Variants in AIG1 observed in about 807,000 individuals in gnomAD.
The protein encoded by AIG1 is androgen-induced gene 1 protein.
A neutral mutation model predicts 31.4 loss-of-function variants in AIG1; 23 were observed. That is an observed-to-expected ratio of 0.73 (90% confidence interval 0.53 to 1.04). AIG1 has a LOEUF of 1.04. AIG1 is among the 50% of genes least tolerant of loss of function. The pLI is 0.00. For synonymous variants in AIG1, 100 were observed against 110.5 expected (o/e 0.90, Z 0.60); for missense variants, 274 against 295.0 (o/e 0.93, Z 0.52).
chr6:143,337,793 C>G (rs1238986854), intron 5 of AIG1, among the ~76,000 whole-genome samples: 1 of 152,116 alleles, frequency 6.6e-6, no homozygotes, highest in African/African-American at 2.4e-5. Flanking sequence ...AGCCCTCCAC[C>G]GGCCTGCAGG....
At chr6:143,120,153 C>T (rs186861130) in intron 1 of AIG1, among the ~76,000 whole-genome samples, 2 of 152,102 alleles carry the variant, frequency 1.3e-5, no homozygotes, top group East Asian at 1.9e-4. Flanking sequence ...AGGCTGATCT[C>T]GAACTCCCGA....
chr6:143,182,063 C>T (rs931991473), intron 3 of AIG1, among the ~76,000 whole-genome samples: 21 of 152,082 alleles, frequency 1.4e-4, no homozygotes, highest in African/African-American at 4.8e-4. Context: ...CTTTGTTGCA[C>T]AGCCCAGGCT....
intron 3 of AIG1, among the ~76,000 whole-genome samples, chr6:143,168,166 C>T (rs1182429982): frequency 6.6e-6 from 1 of 151,624 alleles, no homozygotes; most frequent in Admixed American, 6.6e-5. Flanking sequence ...TTAATTTGTA[C>T]TTGCTTTTAA....
At chr6:143,177,223 A>AT (rs1788255304) in intron 3 of AIG1, among the ~76,000 whole-genome samples, 1 of 152,076 alleles carries the variant, frequency 6.6e-6, no homozygotes, top group South Asian at 2.1e-4. Context: ...CATTGAATCT[A>AT]TTTGTGTTCT....
At chr6:143,185,194 C>CAAAAAAAAAAAAA (rs10690751) in intron 3 of AIG1, among the ~76,000 whole-genome samples, 1 of 135,018 alleles carries the variant, frequency 7.4e-6, no homozygotes. Flanking sequence ...GACTCCATCT[C>CAAAAAAAAAAAAA]AAAAAAAAAA....
chr6:143,179,080 A>C lies in AIG1; in HGVS notation c.399+13897A>C, dbSNP rs9496535. ...CCTTTATTGGGGGCTTGAGTAGAGT[A>C]CACAAACAAAAGGTGTGAGGGGATT... On this transcript the variant is annotated intron_variant, in intron 3 of 5. Coordinates refer to ENST00000357847, the MANE Select transcript of AIG1 (RefSeq NM_016108.4). Among the ~76,000 whole-genome samples the C allele has an allele frequency of 9.1e-3, 1,387 of 152,158 alleles. 16 individuals are homozygous for C. Among genetic ancestry groups the C allele is most frequent in the African/African-American group, 0.028 (1,177 of 41,512 alleles).
intron 3 of AIG1, among the ~76,000 whole-genome samples, chr6:143,209,130 G>A (rs1791382976): frequency 6.6e-6 from 1 of 152,216 alleles, no homozygotes; most frequent in Admixed American, 6.5e-5. Flanking sequence ...TGCAGTTCCT[G>A]CAATAAAGAA....
intron 4 of AIG1, among the ~76,000 whole-genome samples, chr6:143,312,683 A>C (rs1775393254): frequency 6.6e-6 from 1 of 152,134 alleles, no homozygotes; most frequent in Admixed American, 6.5e-5. Context: ...AAGCACAAGC[A>C]ACCAAAGCAA....
intron 3 of AIG1, among the ~76,000 whole-genome samples, chr6:143,234,524 CATTG>C (rs1293371803): frequency 6.6e-6 from 1 of 152,120 alleles, no homozygotes; most frequent in Non-Finnish European, 1.5e-5. Flanking sequence ...GAGAAGAAAA[CATTG>C]ATTGAGAGCT....
chr6:143,073,553 G>A (rs558719055), intron 1 of AIG1, among the ~76,000 whole-genome samples: 1 of 152,068 alleles, frequency 6.6e-6, no homozygotes, highest in South Asian at 2.1e-4. Flanking sequence ...CTTTTTTGAC[G>A]TTTTGATAAT....
chr6:143,339,714 A>G lies in AIG1; in HGVS notation c.*38A>G, dbSNP rs1777771406. 5 of 1,607,346 alleles carry G rather than the reference A, an allele frequency of 3.1e-6. No individual in the cohort carries two copies. The highest frequency in any genetic ancestry group is 2.2e-5 in the East Asian group (1 of 44,588). On this transcript the variant is annotated 3_prime_UTR_variant, in exon 6 of 6. Coordinates refer to ENST00000357847, the MANE Select transcript of AIG1 (RefSeq NM_016108.4). ...AACGCAAGAGCTAGATTGAGCCGCC[A>G]TTGAAGACTCCTTCCCCTCGGGCAT...
At chr6:143,191,764 T>C (rs898296525) in intron 3 of AIG1, among the ~76,000 whole-genome samples, 3 of 152,168 alleles carry the variant, frequency 2.0e-5, no homozygotes, top group Non-Finnish European at 4.4e-5. Flanking sequence ...TTACTTTAGA[T>C]TACATTTAAA....
intron 1 of AIG1, among the ~76,000 whole-genome samples, chr6:143,131,863 T>A (rs549519602): frequency 6.6e-5 from 10 of 152,350 alleles, no homozygotes; most frequent in African/African-American, 2.4e-4. Context: ...GGTGGTGTTT[T>A]AGCTGCTAAG....
intron 3 of AIG1, among the ~76,000 whole-genome samples, chr6:143,186,148 C>T (rs1789241530): frequency 6.6e-6 from 1 of 152,160 alleles, no homozygotes; most frequent in African/African-American, 2.4e-5. Flanking sequence ...TACCTGTGTG[C>T]CGTGGTACCT....
chr6:143,066,902 G>T (rs1360929644), intron 1 of AIG1, among the ~76,000 whole-genome samples: 1 of 151,890 alleles, frequency 6.6e-6, no homozygotes. Flanking sequence ...GGGTATGGTG[G>T]CTCACACCTG....
chr6:143,274,874 G>T (rs61394207), intron 3 of AIG1, among the ~76,000 whole-genome samples: 19,429 of 152,190 alleles, frequency 0.13, 1,552 homozygotes, highest in East Asian at 0.36. Flanking sequence ...CATTAGGATT[G>T]CTGTGAGAAT....
intron 4 of AIG1, among the ~76,000 whole-genome samples, chr6:143,307,400 T>G (rs1193661416): frequency 6.6e-6 from 1 of 152,208 alleles, no homozygotes; most frequent in Non-Finnish European, 1.5e-5. Flanking sequence ...TTTCTGTTTG[T>G]TAGTTTTCCT....
chr6:143,217,244 TTTG>T (rs1792101593), intron 3 of AIG1, among the ~76,000 whole-genome samples: 1 of 152,202 alleles, frequency 6.6e-6, no homozygotes, highest in Non-Finnish European at 1.5e-5. Flanking sequence ...ACTGTGTTTT[TTTG>T]TTGTTGTGTT....
At chr6:143,179,704 A>G (rs542758271) in intron 3 of AIG1, among the ~76,000 whole-genome samples, 1 of 152,344 alleles carries the variant, frequency 6.6e-6, no homozygotes, top group Admixed American at 6.5e-5. Context: ...AGGAGAAGAA[A>G]TGAGTAAATC....
Sources: gnomAD v4.1 joint callset for allele counts (sites outside exome capture counted in the v4.1 genomes callset) on GRCh38, gnomAD v4.1.1 for gene constraint, MANE v1.5 for transcripts, NCBI Gene and HGNC (gene_info 2026-07-23, HGNC 2026-07-21) for gene names.